The following SLC12A8 variants were observed in gnomAD, a reference collection of about 807,000 sequenced individuals.
SLC12A8 encodes the protein solute carrier family 12 member 8, also known as cation-chloride cotransporter 9.
Under a neutral mutation model 75.6 loss-of-function variants are expected in SLC12A8, and 69 were observed. The observed-to-expected ratio is 0.91, with a 90% CI of 0.75 to 1.11. The LOEUF (loss-of-function observed/expected upper bound fraction) is 1.11, where lower values mean the gene tolerates loss of function less well. SLC12A8 is among the 50% of genes most tolerant of loss of function. The probability of loss-of-function intolerance (pLI) is 0.00; values close to 1 mark genes in which losing one functional copy is unlikely to be tolerated. For synonymous variants in SLC12A8, 365 were observed against 372.8 expected (o/e 0.98, Z 0.24); for missense variants, 877 against 896.7 (o/e 0.98, Z 0.28).
intron 5 of SLC12A8, among the ~76,000 whole-genome samples, chr3:125,136,003 A>G (rs1048077970): frequency 5.3e-5 from 8 of 152,244 alleles, no homozygotes; most frequent in Non-Finnish European, 8.8e-5. Flanking sequence ...ATGACATAAC[A>G]TGAAAGGAAG....
At chr3:125,186,815 G>C (rs569093930) in intron 4 of SLC12A8, among the ~76,000 whole-genome samples, 3 of 152,362 alleles carry the variant, frequency 2.0e-5, no homozygotes, top group African/African-American at 7.2e-5. Flanking sequence ...CTGCTCATTT[G>C]AGAAGTGCCT....
At position 125,160,926 on chromosome 3, in the gene SLC12A8, G is replaced by A. The variant is rs192270403; in HGVS notation, c.622+16817C>T. Among the ~76,000 whole-genome samples, 439 of 152,322 alleles carry A rather than the reference G, an allele frequency of 2.9e-3. 2 individuals are homozygous for A. The highest frequency in any genetic ancestry group is 6.8e-3 in the Middle Eastern group (2 of 294). On this transcript the variant is annotated intron_variant, in intron 5 of 13. Coordinates refer to ENST00000469902, the MANE Select transcript of SLC12A8 (RefSeq NM_024628.6). ...AGTGGCTATGTGTGACCCAGCGAAG[G>A]TCACTCATCCAGATTCCACATGCCC...
intron 5 of SLC12A8, among the ~76,000 whole-genome samples, chr3:125,147,692 A>G (rs984216412): frequency 2.6e-5 from 4 of 152,152 alleles, no homozygotes; most frequent in African/African-American, 9.7e-5. Flanking sequence ...CAACCCAGAG[A>G]GCACGAGGGG....
chr3:125,201,812 GA>G (rs1255046056), intron 2 of SLC12A8, among the ~76,000 whole-genome samples: 1 of 151,138 alleles, frequency 6.6e-6, no homozygotes, highest in Non-Finnish European at 1.5e-5. Flanking sequence ...AATTCAGAAA[GA>G]AAAAATTTAG....
At chr3:125,178,599 A>AT (rs1207956855) in intron 4 of SLC12A8, among the ~76,000 whole-genome samples, 2 of 152,160 alleles carry the variant, frequency 1.3e-5, no homozygotes, top group Non-Finnish European at 2.9e-5. Context: ...TACCTTATGG[A>AT]TTTTTTTCCA....
At chr3:125,208,595 C>T (rs1563294) in intron 2 of SLC12A8, among the ~76,000 whole-genome samples, 74,257 of 151,700 alleles carry the variant, frequency 0.49, 19,229 homozygotes, top group African/African-American at 0.64. Context: ...GGTGAGGAAA[C>T]GGAGGCTTAG....
intron 5 of SLC12A8, among the ~76,000 whole-genome samples, chr3:125,150,624 G>A (rs115869501): frequency 6.6e-6 from 1 of 152,136 alleles, no homozygotes; most frequent in Non-Finnish European, 1.5e-5. Context: ...GAGACACACT[G>A]TTCTCAGAGA....
chr3:125,107,395 A>G, intron 10 of SLC12A8, 86 bp downstream of exon 10: 1 of 1,274,048 alleles, frequency 7.8e-7, no homozygotes, highest in Non-Finnish European at 1.1e-6. Flanking sequence ...AAACCCAGTT[A>G]TAACTGGTTC....
In SLC12A8 at chr3:125,137,955, A is replaced by G. The variant is rs116641866; in HGVS notation, c.623-2173T>C. Among the ~76,000 whole-genome samples, 305 of 151,146 alleles carry G rather than the reference A, an allele frequency of 2.0e-3. 1 individual carries two copies. The highest frequency in any genetic ancestry group is 3.5e-3 in the Non-Finnish European group (238 of 67,736). ...CGCTCACGCTCACACTCACGCTCAC[A>G]CTCACACGCTCACACTCACACTACT... On this transcript the variant is annotated intron_variant, in intron 5 of 13. Coordinates refer to ENST00000469902, the MANE Select transcript of SLC12A8 (RefSeq NM_024628.6).
chr3:125,084,570 A>G (rs1172117058), intron 13 of SLC12A8, among the ~76,000 whole-genome samples: 1 of 152,258 alleles, frequency 6.6e-6, no homozygotes, highest in Admixed American at 6.5e-5. Context: ...GCCTCAGGTG[A>G]AGAGCAAGTC....
At chr3:125,183,672 T>C (rs1934710637) in intron 4 of SLC12A8, among the ~76,000 whole-genome samples, 1 of 152,168 alleles carries the variant, frequency 6.6e-6, no homozygotes, top group Admixed American at 6.5e-5. Flanking sequence ...ATTGTTTTTA[T>C]ACAGAGTCCA....
intron 2 of SLC12A8, chr3:125,192,594 G>C (rs918785207): frequency 6.5e-6 from 1 of 154,388 alleles, no homozygotes; most frequent in South Asian, 2.0e-4. Context: ...ACCTGCTGGT[G>C]TGTGAAATGC....
chr3:125,137,176 G>T (rs576855358), intron 5 of SLC12A8, among the ~76,000 whole-genome samples: 1 of 152,204 alleles, frequency 6.6e-6, no homozygotes, highest in East Asian at 1.9e-4. Flanking sequence ...AGTCCAATGA[G>T]GTCGCCCGCA....
At chr3:125,163,814 C>A (rs1319341316) in intron 5 of SLC12A8, among the ~76,000 whole-genome samples, 3 of 152,178 alleles carry the variant, frequency 2.0e-5, no homozygotes, top group African/African-American at 7.2e-5. Flanking sequence ...GCCAAGGATG[C>A]AGAGGGCTGG....
chr3:125,137,937 GCTCACA>G (rs1045609290), intron 5 of SLC12A8, among the ~76,000 whole-genome samples: 16 of 147,336 alleles, frequency 1.1e-4, no homozygotes, highest in South Asian at 4.2e-4. Context: ...ACACGCTCAC[GCTCACA>G]CTCACGCTCA....
chr3:125,210,978 A>G (rs1001429329), intron 2 of SLC12A8, among the ~76,000 whole-genome samples: 3 of 151,012 alleles, frequency 2.0e-5, no homozygotes, highest in African/African-American at 7.4e-5. Flanking sequence ...GGTTTGATTC[A>G]GAATTAAAAT....
chr3:125,127,635 G>T (rs941329029), intron 6 of SLC12A8, among the ~76,000 whole-genome samples: 1 of 152,214 alleles, frequency 6.6e-6, no homozygotes, highest in Non-Finnish European at 1.5e-5. Context: ...TGAAGCCCAG[G>T]CTTCAACCAC....
intron 2 of SLC12A8, among the ~76,000 whole-genome samples, chr3:125,197,217 A>T (rs1935024864): frequency 6.6e-6 from 1 of 152,242 alleles, no homozygotes; most frequent in Admixed American, 6.5e-5. Flanking sequence ...TTTGGCCCTG[A>T]AAGTAAATAA....
chr3:125,101,910 G>A (rs905622731), intron 10 of SLC12A8, among the ~76,000 whole-genome samples: 1 of 152,172 alleles, frequency 6.6e-6, no homozygotes, highest in Non-Finnish European at 1.5e-5. Flanking sequence ...TACATTATGT[G>A]TACTGTATGG....
Sources: gnomAD v4.1 joint callset for allele counts (sites outside exome capture counted in the v4.1 genomes callset) on GRCh38, gnomAD v4.1.1 for gene constraint, MANE v1.5 for transcripts, NCBI Gene and HGNC (gene_info 2026-07-23, HGNC 2026-07-21) for gene names.